Variants in THADA observed in about 807,000 individuals in gnomAD.
The protein encoded by THADA is THADA armadillo repeat containing, also known as tRNA (32-2'-O)-methyltransferase regulator THADA.
Under a neutral mutation model 219.8 loss-of-function variants are expected in THADA, and 213 were observed. The observed-to-expected ratio is 0.97, with a 90% CI of 0.87 to 1.09. THADA has a LOEUF of 1.09. THADA is among the 50% of genes least tolerant of loss of function. The pLI is 0.00. For missense variants in THADA, 2,956 were observed against 2,311.3 expected (o/e 1.28, Z -5.72); for synonymous variants, 1,018 against 828.9 (o/e 1.23, Z -3.92).
At chr2:43,490,511 T>C (rs6746064) in intron 25 of THADA, among the ~76,000 whole-genome samples, 97,243 of 151,930 alleles carry the variant, frequency 0.64, 32,850 homozygotes, top group African/African-American at 0.85. Context: ...TTCTTAGTTT[T>C]TTTTCACATA....
intron 22 of THADA, among the ~76,000 whole-genome samples, chr2:43,510,858 C>A (rs899793775): frequency 6.6e-6 from 1 of 151,644 alleles, no homozygotes; most frequent in Admixed American, 6.6e-5. Context: ...GTAATCCCAG[C>A]TACTCGGGAG....
chr2:43,428,263 T>TTA, intron 27 of THADA, 32 bp from the exon 28 acceptor site: 2 of 1,558,628 alleles, frequency 1.3e-6, no homozygotes, highest in Non-Finnish European at 1.7e-6. Context: ...ATGAAAGATT[T>TTA]CACATTTAGG....
intron 17 of THADA, among the ~76,000 whole-genome samples, chr2:43,554,517 T>C (rs771625556): frequency 7.9e-5 from 12 of 152,124 alleles, no homozygotes; most frequent in Non-Finnish European, 7.4e-5. Flanking sequence ...TCGACAGGCA[T>C]TGCACTGAAG....
chr2:43,540,401 T>C (rs997767523), intron 21 of THADA, among the ~76,000 whole-genome samples: 2 of 152,232 alleles, frequency 1.3e-5, no homozygotes, highest in African/African-American at 2.4e-5. Flanking sequence ...GTGGTTATTA[T>C]AGAAATAATC....
chr2:43,572,738 T>C (rs1699431683), intron 12 of THADA, 76 bp downstream of exon 12: 1 of 1,335,468 alleles, frequency 7.5e-7, no homozygotes. Context: ...GGATACAATG[T>C]AGGGGCCTCT....
chr2:43,404,425 T>C (rs1327532584), intron 28 of THADA, among the ~76,000 whole-genome samples: 3 of 151,044 alleles, frequency 2.0e-5, no homozygotes, highest in African/African-American at 7.3e-5. Flanking sequence ...ACACCTGGCC[T>C]GAAGTGCTCC....
chr2:43,299,929 G>A (rs2104402156), intron 31 of THADA, among the ~76,000 whole-genome samples: 1 of 150,400 alleles, frequency 6.6e-6, no homozygotes, highest in Middle Eastern at 3.4e-3. Context: ...TCCGGAGGCT[G>A]AAGCAGGAGA....
At chr2:43,491,417 G>A (rs1053701175) in intron 25 of THADA, among the ~76,000 whole-genome samples, 1 of 152,168 alleles carries the variant, frequency 6.6e-6, no homozygotes, top group African/African-American at 2.4e-5. Context: ...ACAGAAAAGG[G>A]TAAGCAGTAG....
chr2:43,341,406 G>C (rs554849663), intron 30 of THADA, among the ~76,000 whole-genome samples: 1 of 152,210 alleles, frequency 6.6e-6, no homozygotes, highest in South Asian at 2.1e-4. Flanking sequence ...CAGCAATAGG[G>C]ACCACAGGAC....
chr2:43,506,753 A>G (rs893520145), intron 23 of THADA, among the ~76,000 whole-genome samples: 3 of 152,214 alleles, frequency 2.0e-5, no homozygotes, highest in Non-Finnish European at 4.4e-5. Context: ...CTGTTAAAAA[A>G]TGTCACTTTA....
At chr2:43,531,972 GGTTTTTTTTTTGGTGTGT>G (rs1435015414) in intron 21 of THADA, among the ~76,000 whole-genome samples, 2 of 151,208 alleles carry the variant, frequency 1.3e-5, no homozygotes, top group Admixed American at 6.6e-5. Flanking sequence ...AACAGTGTAG[GGTTTTTTTTTTGGTGTGT>G]GTTTTTTTTT....
chr2:43,374,705 A>G lies in THADA; in HGVS notation c.4227+23266T>C, dbSNP rs111505170. 3.2e-3 allele frequency among the ~76,000 whole-genome samples: 484 copies of G among 152,292 alleles called. 3 individuals are homozygous for G. Among genetic ancestry groups the G allele is most frequent in the African/African-American group, 0.011 (476 of 41,576 alleles). ...TGGCATAAACCACTAAATAACACAT[A>G]ATTAAATATGTTATATATAGTTAAT... On this transcript the variant is annotated intron_variant, in intron 29 of 37. Transcript: ENST00000405975.
At chr2:43,585,178 G>A (rs12474030) in intron 7 of THADA, among the ~76,000 whole-genome samples, 25,662 of 151,778 alleles carry the variant, frequency 0.17, 2,833 homozygotes, top group African/African-American at 0.31. Context: ...CTCAATAGGC[G>A]CAGACATTCA....
At chr2:43,509,135 A>G (rs1012849874) in intron 22 of THADA, among the ~76,000 whole-genome samples, 2 of 152,222 alleles carry the variant, frequency 1.3e-5, no homozygotes, top group Non-Finnish European at 2.9e-5. Flanking sequence ...ATAAGTTTAT[A>G]GTTTACTATA....
chr2:43,529,929 A>G (rs1693648270), intron 21 of THADA, among the ~76,000 whole-genome samples: 1 of 152,202 alleles, frequency 6.6e-6, no homozygotes, highest in South Asian at 2.1e-4. Context: ...TTGTTGTATT[A>G]AAATAAGTAA....
chr2:43,416,832 T>G (rs138956346), intron 28 of THADA, among the ~76,000 whole-genome samples: 106 of 152,338 alleles, frequency 7.0e-4, no homozygotes, highest in African/African-American at 2.4e-3. Context: ...CCAGATGCTA[T>G]TGTTACTTAT....
intron 28 of THADA, among the ~76,000 whole-genome samples, chr2:43,403,416 C>T (rs577403247): frequency 1.3e-5 from 2 of 152,298 alleles, no homozygotes; most frequent in Non-Finnish European, 2.9e-5. Flanking sequence ...TCATTTAAAT[C>T]TGACAAGCCA....
intron 26 of THADA, among the ~76,000 whole-genome samples, chr2:43,446,105 C>A (rs1246639704): frequency 6.6e-6 from 1 of 152,196 alleles, no homozygotes; most frequent in African/African-American, 2.4e-5. Flanking sequence ...ATTTGGGCAG[C>A]TTACATGGGT....
At chr2:43,552,039 T>G (rs145937350) in intron 18 of THADA, 114 bp from the exon 19 acceptor site, 2 of 1,544,440 alleles carry the variant, frequency 1.3e-6, no homozygotes, top group African/African-American at 2.8e-5. Flanking sequence ...ACATAAAACA[T>G]GTGAGACATA....
Sources: allele counts gnomAD v4.1 joint callset (sites outside exome capture counted in the v4.1 genomes callset), GRCh38; gene constraint gnomAD v4.1.1; transcripts MANE v1.5; gene names NCBI Gene and HGNC (gene_info 2026-07-23, HGNC 2026-07-21).